C1orf21: variants seen among roughly 807,000 people sequenced by gnomAD.
C1orf21 encodes the protein uncharacterized protein C1orf21.
In C1orf21, 3 loss-of-function variants were observed where a neutral mutation model predicts 18.7. The observed-to-expected ratio is 0.16, with a 90% confidence interval of 0.07 to 0.42. C1orf21 has a LOEUF of 0.42. Among genes scored for constraint, C1orf21 ranks in the 10% least tolerant of loss-of-function variants. C1orf21 has a pLI of 0.99. For missense variants in C1orf21, 104 were observed against 143.6 expected (o/e 0.72, Z 1.41); for synonymous variants, 41 against 46.4 (o/e 0.88, Z 0.47).
At chr1:184,492,081 A>G (rs1016912318) in intron 2 of C1orf21, among the ~76,000 whole-genome samples, 2 of 152,268 alleles carry the variant, frequency 1.3e-5, no homozygotes, top group Non-Finnish European at 2.9e-5. Flanking sequence ...CTTCACAGAA[A>G]TAACTCCTCT....
intron 3 of C1orf21, among the ~76,000 whole-genome samples, chr1:184,552,444 AG>A (rs1368864711): frequency 6.6e-6 from 1 of 152,242 alleles, no homozygotes; most frequent in Non-Finnish European, 1.5e-5. Context: ...TAGAGGAGTC[AG>A]GCACTCATAT....
At chr1:184,506,967 G>A (rs922931162) in intron 2 of C1orf21, among the ~76,000 whole-genome samples, 2 of 150,774 alleles carry the variant, frequency 1.3e-5, no homozygotes, top group Admixed American at 1.3e-4. Flanking sequence ...GAATTAAAGT[G>A]TATATATACA....
At chr1:184,424,619 G>A (rs1240115759) in intron 1 of C1orf21, among the ~76,000 whole-genome samples, 1 of 152,152 alleles carries the variant, frequency 6.6e-6, no homozygotes, top group Non-Finnish European at 1.5e-5. Context: ...AATGTGCCCG[G>A]CTCCATAAGC....
At chr1:184,534,700 G>A (rs899011782) in intron 3 of C1orf21, among the ~76,000 whole-genome samples, 3 of 152,004 alleles carry the variant, frequency 2.0e-5, no homozygotes, top group East Asian at 1.9e-4. Flanking sequence ...ATTAAGACAC[G>A]ATCCCTCCCT....
intron 5 of C1orf21, among the ~76,000 whole-genome samples, chr1:184,615,705 AG>A (rs1659810339): frequency 6.6e-6 from 1 of 152,218 alleles, no homozygotes; most frequent in Admixed American, 6.5e-5. Context: ...CCTGCCCAGT[AG>A]GGCCAGTGTG....
At chr1:184,410,443 A>G (rs375738325) in intron 1 of C1orf21, among the ~76,000 whole-genome samples, 3 of 150,258 alleles carry the variant, frequency 2.0e-5, no homozygotes, top group East Asian at 1.9e-4. Flanking sequence ...CCAGGTGGAC[A>G]TATTTCTGTA....
intron 3 of C1orf21, among the ~76,000 whole-genome samples, chr1:184,512,782 G>T (rs914070074): frequency 3.3e-5 from 5 of 152,150 alleles, no homozygotes; most frequent in Non-Finnish European, 2.9e-5. Flanking sequence ...TGACACAGGG[G>T]TCCCCAAGCC....
chr1:184,594,938 G>T (rs979961549), intron 4 of C1orf21, among the ~76,000 whole-genome samples: 2 of 152,070 alleles, frequency 1.3e-5, no homozygotes, highest in African/African-American at 4.8e-5. Flanking sequence ...AGCCCATTTT[G>T]CCCACCATTC....
At chr1:184,524,240 A>G (rs1658347281) in intron 3 of C1orf21, among the ~76,000 whole-genome samples, 1 of 152,168 alleles carries the variant, frequency 6.6e-6, no homozygotes, top group Non-Finnish European at 1.5e-5. Flanking sequence ...ACAAATGAAT[A>G]TACTGTATTT....
chr1:184,494,520 G>C (rs1235827238), intron 2 of C1orf21, among the ~76,000 whole-genome samples: 2 of 152,182 alleles, frequency 1.3e-5, no homozygotes, highest in Non-Finnish European at 2.9e-5. Context: ...CTGGATTAGG[G>C]AGGTATGAAT....
At chr1:184,445,096 C>A (rs1343734459) in intron 1 of C1orf21, among the ~76,000 whole-genome samples, 2 of 152,066 alleles carry the variant, frequency 1.3e-5, no homozygotes, top group African/African-American at 2.4e-5. Flanking sequence ...TTGAGTTGGG[C>A]CTTGTGGATG....
At chr1:184,519,803 C>T (rs1049115393) in intron 3 of C1orf21, among the ~76,000 whole-genome samples, 10 of 152,144 alleles carry the variant, frequency 6.6e-5, no homozygotes, top group South Asian at 2.1e-4. Context: ...CCAGGAGTCT[C>T]GGCTCCGGTA....
At chr1:184,584,133 CTTTTTT>C (rs386368968) in intron 3 of C1orf21, among the ~76,000 whole-genome samples, 133 of 113,240 alleles carry the variant, frequency 1.2e-3, no homozygotes, top group African/African-American at 3.9e-3. Context: ...TGTTCTTCTT[CTTTTTT>C]TTTTTTTTTT....
chr1:184,427,717 T>A (rs999344576), intron 1 of C1orf21, among the ~76,000 whole-genome samples: 7 of 152,224 alleles, frequency 4.6e-5, no homozygotes, highest in Admixed American at 3.9e-4. Flanking sequence ...TAGGTTGAAG[T>A]AACTCTGCCT....
intron 3 of C1orf21, among the ~76,000 whole-genome samples, chr1:184,563,115 TTTTGGTTC>T (rs1363188546): frequency 1.3e-5 from 2 of 152,178 alleles, no homozygotes; most frequent in Non-Finnish European, 2.9e-5. Flanking sequence ...ATTGCCAAGG[TTTTGGTTC>T]TTTGCTTCCT....
At chr1:184,414,073 C>T (rs765924180) in intron 1 of C1orf21, among the ~76,000 whole-genome samples, 24 of 152,132 alleles carry the variant, frequency 1.6e-4, no homozygotes, top group African/African-American at 3.4e-4. Flanking sequence ...CTGCAGAGTG[C>T]GTCTTCCCTG....
chr1:184,463,088 A>T lies in C1orf21; in HGVS notation c.-124-14298A>T, dbSNP rs189698339. ...CACGAGCAAGACTCCATCTCAAAAA[A>T]AAAAAAAAAAAAAAGAAGAAGAAGA... On this transcript the variant is annotated intron_variant, in intron 1 of 5. Coordinates refer to ENST00000235307, the MANE Select transcript of C1orf21 (RefSeq NM_030806.4). 5.5e-3 allele frequency among the ~76,000 whole-genome samples: 834 copies of T among 151,254 alleles called. 29 individuals carry two copies. The highest frequency in any genetic ancestry group is 0.048 in the Admixed American group (731 of 15,156).
At chr1:184,395,374 A>G (rs1466487502) in intron 1 of C1orf21, among the ~76,000 whole-genome samples, 2 of 152,130 alleles carry the variant, frequency 1.3e-5, no homozygotes, top group Non-Finnish European at 2.9e-5. Flanking sequence ...ATGAGGAAGT[A>G]TAGTCTGGAA....
chr1:184,447,882 G>A (rs575956856), intron 1 of C1orf21, among the ~76,000 whole-genome samples: 13 of 152,076 alleles, frequency 8.5e-5, no homozygotes, highest in African/African-American at 3.1e-4. Context: ...ATCTTAGTAC[G>A]GCCCTTCATT....
Sources: allele counts gnomAD v4.1 joint callset (sites outside exome capture counted in the v4.1 genomes callset), GRCh38; gene constraint gnomAD v4.1.1; transcripts MANE v1.5; gene names NCBI Gene and HGNC (gene_info 2026-07-23, HGNC 2026-07-21).